The following DOCK3 variants were observed in gnomAD, a reference collection of about 807,000 sequenced individuals.
DOCK3 encodes dedicator of cytokinesis protein 3.
In DOCK3, 60 loss-of-function variants were observed where a neutral mutation model predicts 265.6. The observed-to-expected ratio is 0.23, with a 90% CI of 0.18 to 0.28. The LOEUF is 0.28. DOCK3 is among the 10% of genes least tolerant of loss of function. The pLI is 1.00. For missense variants in DOCK3, 1,981 were observed against 2,594.3 expected (o/e 0.76, Z 5.14); for synonymous variants, 881 against 938.0 (o/e 0.94, Z 1.11).
At chr3:50,913,021 T>C (rs1040281762) in intron 4 of DOCK3, among the ~76,000 whole-genome samples, 29 of 152,034 alleles carry the variant, frequency 1.9e-4, no homozygotes, top group African/African-American at 6.3e-4. Context: ...CAAGCGGAAG[T>C]CTTGCCCTGT....
chr3:50,762,809 A>G (rs770420447), intron 1 of DOCK3, among the ~76,000 whole-genome samples: 29 of 151,718 alleles, frequency 1.9e-4, no homozygotes, highest in Non-Finnish European at 4.0e-4. Flanking sequence ...AATCATCTTT[A>G]TGTGTTATGG....
At chr3:50,846,035 G>A (rs2046062188) in intron 3 of DOCK3, among the ~76,000 whole-genome samples, 1 of 152,152 alleles carries the variant, frequency 6.6e-6, no homozygotes, top group Admixed American at 6.5e-5. Flanking sequence ...GAGTTGATAT[G>A]AAACCGTTAT....
chr3:50,822,291 T>G (rs920336877), intron 2 of DOCK3, among the ~76,000 whole-genome samples: 12 of 152,182 alleles, frequency 7.9e-5, no homozygotes, highest in African/African-American at 2.9e-4. Flanking sequence ...ATTGTGTTCT[T>G]GAATTGACTC....
chr3:50,762,092 A>T (rs752196279), intron 1 of DOCK3, among the ~76,000 whole-genome samples: 11 of 151,096 alleles, frequency 7.3e-5, no homozygotes, highest in African/African-American at 2.7e-4. Flanking sequence ...AACATCACAC[A>T]CCGGGGCCTG....
In DOCK3 at chr3:51,229,585, T is replaced by C. The variant is rs1001175675; in HGVS notation, c.1893T>C (p.His631=). The C allele has an allele frequency of 1.2e-6, 2 of 1,605,934 alleles. No homozygotes were observed. Among genetic ancestry groups the C allele is most frequent in the African/African-American group, 2.7e-5 (2 of 74,608 alleles). Residue 631 remains histidine (H), a synonymous_variant, in exon 19 of 53, where the codon CAT becomes CAC. Transcript: ENST00000266037. ...TGGATGTACTAGGGCGGCTGCGGCA[T>C]GTCAGTGGGGAGGAAATTGTTAAGG... is the stretch of plus-strand genomic sequence containing the variant. ...RIMDVLGRLR[H]VSGEEIVKFL...
At chr3:51,222,777 T>TA (rs956451503) in intron 14 of DOCK3, among the ~76,000 whole-genome samples, 3 of 152,118 alleles carry the variant, frequency 2.0e-5, no homozygotes, top group Admixed American at 1.3e-4. Flanking sequence ...TTCTGTTTTT[T>TA]AAAAAAATGA....
chr3:51,302,064 C>G (rs2082388879), intron 27 of DOCK3, among the ~76,000 whole-genome samples: 1 of 152,162 alleles, frequency 6.6e-6, no homozygotes. Context: ...GTGTGGGAGT[C>G]TAAGTCTCTC....
At chr3:50,785,572 T>C (rs2042138036) in intron 2 of DOCK3, among the ~76,000 whole-genome samples, 1 of 152,246 alleles carries the variant, frequency 6.6e-6, no homozygotes, top group Admixed American at 6.5e-5. Flanking sequence ...GAGATGATCA[T>C]GTGATTTTTG....
chr3:51,361,238 G>C lies in DOCK3; in HGVS notation c.5006+606G>C, dbSNP rs1232898990. 1.3e-5 allele frequency among the ~76,000 whole-genome samples: 2 copies of C among 152,366 alleles called. No individual in the cohort carries two copies. Among genetic ancestry groups the C allele is most frequent in the Non-Finnish European group, 2.9e-5 (2 of 68,030 alleles). ...TTGGAGGAGGAGACTAGTGAGAGGA[G>C]CCCCTCACTTAGGCTTGTTTTCCAG... On this transcript the variant is annotated intron_variant, in intron 47 of 52. Transcript: ENST00000266037. This position sits in a 1 kb window ranked among gnomAD's most constrained non-coding sequence, Gnocchi z 4.2.
At chr3:51,296,682 T>C (rs888853412) in intron 27 of DOCK3, among the ~76,000 whole-genome samples, 8 of 152,160 alleles carry the variant, frequency 5.3e-5, no homozygotes, top group Non-Finnish European at 1.0e-4. Flanking sequence ...TTCACTGTGT[T>C]AGCCAGGATG....
chr3:50,770,487 C>T (rs944228700), intron 1 of DOCK3, among the ~76,000 whole-genome samples: 2 of 151,354 alleles, frequency 1.3e-5, no homozygotes, highest in Admixed American at 6.6e-5. Context: ...TTGATTGGAA[C>T]AATCAGTATT....
At chr3:50,999,453 CTAGT>C (rs1028972220) in intron 5 of DOCK3, among the ~76,000 whole-genome samples, 19 of 152,284 alleles carry the variant, frequency 1.2e-4, no homozygotes, top group African/African-American at 4.3e-4. Context: ...AAATAGAAAC[CTAGT>C]TATTTACCTT....
intron 5 of DOCK3, among the ~76,000 whole-genome samples, chr3:50,977,532 T>C (rs2077501770): frequency 6.6e-6 from 1 of 152,228 alleles, no homozygotes; most frequent in African/African-American, 2.4e-5. Context: ...CTGATGGGCT[T>C]CCCTTTGAGG....
chr3:51,363,853 A>G (rs542460177), intron 49 of DOCK3, among the ~76,000 whole-genome samples: 125 of 152,348 alleles, frequency 8.2e-4, no homozygotes, highest in Non-Finnish European at 1.5e-3. Flanking sequence ...TCCATGGTGT[A>G]TATGTGCCAC....
intron 49 of DOCK3, among the ~76,000 whole-genome samples, chr3:51,369,850 G>A (rs2087543185): frequency 6.6e-6 from 1 of 152,210 alleles, no homozygotes; most frequent in Admixed American, 6.5e-5. Flanking sequence ...CCAGGGCAAG[G>A]GAATTAAGGC....
In DOCK3 at chr3:51,255,131, A is replaced by G. The variant is rs2079476591; in HGVS notation, c.2185-5025A>G. 2.0e-5 allele frequency among the ~76,000 whole-genome samples: 3 copies of G among 152,224 alleles called. No homozygotes were observed. The South Asian group carries it at 6.2e-4, about 32-fold the overall frequency. On this transcript the variant is annotated intron_variant, in intron 22 of 52. Coordinates refer to ENST00000266037, the MANE Select transcript of DOCK3 (RefSeq NM_004947.5). Reference sequence around the variant, plus strand: ...TATTTCTCTTTCACTTATGAAACTTAGTTTGGCTGGATATGAAATTCTGGT... The same window carrying G: ...TATTTCTCTTTCACTTATGAAACTTGGTTTGGCTGGATATGAAATTCTGGT...
At chr3:51,305,761 T>TGTGTGTG (rs779031609) in intron 27 of DOCK3, among the ~76,000 whole-genome samples, 2 of 149,342 alleles carry the variant, frequency 1.3e-5, no homozygotes, top group African/African-American at 4.9e-5. Flanking sequence ...TGTGTGTGTG[T>TGTGTGTG]TTTTATTATA....
chr3:50,973,233 A>C (rs1357690795), intron 5 of DOCK3, among the ~76,000 whole-genome samples: 2 of 148,632 alleles, frequency 1.3e-5, no homozygotes, highest in Non-Finnish European at 3.0e-5. Context: ...GGTGCGCTGC[A>C]CCCACTAACT....
intron 32 of DOCK3, among the ~76,000 whole-genome samples, chr3:51,323,036 C>T (rs138674277): frequency 0.032 from 4,860 of 151,216 alleles, 282 homozygotes; most frequent in African/African-American, 0.11. Flanking sequence ...CCAACAAAGA[C>T]CAAAAGAGAC....
Sources: allele counts gnomAD v4.1 joint callset (sites outside exome capture counted in the v4.1 genomes callset), GRCh38; gene constraint gnomAD v4.1.1; non-coding constraint Gnocchi (gnomAD v3.1); transcripts MANE v1.5; gene names NCBI Gene and HGNC (gene_info 2026-07-23, HGNC 2026-07-21).